The following DGKB variants were observed in gnomAD, a reference collection of about 807,000 sequenced individuals.
DGKB encodes 90 kDa diacylglycerol kinase.
DGKB carries 67 observed loss-of-function variants against 114.3 expected under a neutral mutation model. That is an observed-to-expected ratio of 0.59 (90% CI 0.48 to 0.72). The LOEUF (loss-of-function observed/expected upper bound fraction) is 0.72, where lower values mean the gene tolerates loss of function less well. DGKB is among the 30% of genes least tolerant of loss of function. DGKB has a pLI of 0.00. For missense variants in DGKB, 907 were observed against 975.2 expected (o/e 0.93, Z 0.93); for synonymous variants, 398 against 323.1 (o/e 1.23, Z -2.49).
intron 1 of DGKB, among the ~76,000 whole-genome samples, chr7:14,890,993 G>T (rs1055407930): frequency 2.0e-5 from 3 of 151,242 alleles, no homozygotes; most frequent in African/African-American, 7.3e-5. Context: ...TAACATTATT[G>T]AGTATTATCT....
chr7:14,356,250 G>A (rs920449630), intron 21 of DGKB, among the ~76,000 whole-genome samples: 1 of 150,064 alleles, frequency 6.7e-6, no homozygotes, highest in African/African-American at 2.5e-5. Context: ...TTTATTTTTT[G>A]AGGGGTTTTT....
chr7:14,622,007 T>A (rs1807741090), intron 14 of DGKB, among the ~76,000 whole-genome samples: 1 of 152,026 alleles, frequency 6.6e-6, no homozygotes, highest in African/African-American at 2.4e-5. Flanking sequence ...AGTAAAAAAA[T>A]TTCTTTTAGG....
At chr7:14,294,666 C>G (rs181609771) in intron 23 of DGKB, among the ~76,000 whole-genome samples, 5 of 152,144 alleles carry the variant, frequency 3.3e-5, no homozygotes, top group Non-Finnish European at 7.4e-5. Flanking sequence ...TAGACTTTAG[C>G]TTTCTTTTCT....
At chr7:14,601,312 T>A (rs1199004138) in intron 17 of DGKB, among the ~76,000 whole-genome samples, 1 of 152,078 alleles carries the variant, frequency 6.6e-6, no homozygotes, top group Non-Finnish European at 1.5e-5. Context: ...TTTGAAGTCT[T>A]TCTGTCCTCA....
chr7:14,664,750 G>A (rs1403325461), intron 13 of DGKB, among the ~76,000 whole-genome samples: 1 of 151,964 alleles, frequency 6.6e-6, no homozygotes, highest in East Asian at 1.9e-4. Context: ...GCCCCTGTAA[G>A]TGAGTATGTA....
upstream of DGKB, among the ~76,000 whole-genome samples, chr7:14,906,424 T>C (rs1783706233): frequency 6.7e-6 from 1 of 148,530 alleles, no homozygotes; most frequent in South Asian, 2.1e-4. Flanking sequence ...TAGATAGAAA[T>C]CTATCTTTTT....
chr7:14,694,288 G>T, intron 8 of DGKB, 94 bp from the exon 9 acceptor site: 2 of 1,102,786 alleles, frequency 1.8e-6, no homozygotes, highest in Non-Finnish European at 2.6e-6. Flanking sequence ...CAGCTAAGTG[G>T]AGAGTTGGGA....
chr7:14,223,661 C>T (rs1790344347), intron 23 of DGKB, among the ~76,000 whole-genome samples: 2 of 151,756 alleles, frequency 1.3e-5, no homozygotes, highest in Non-Finnish European at 2.9e-5. Flanking sequence ...AACCTGCACA[C>T]TTGCCTTTAT....
chr7:14,621,410 T>G lies in DGKB; in HGVS notation c.1252A>C (p.Asn418His). Residue 418 changes from asparagine to histidine, a missense_variant, in exon 15 of 26, where the codon AAC (asparagine) becomes CAC (histidine). Coordinates refer to ENST00000402815, the MANE Select transcript of DGKB (RefSeq NM_001350709.2). ...VIDKNKMQRA[N>H]SVTVDGQGLQ... is the part of the protein sequence containing the mutation. The stretch of plus-strand genomic sequence containing the variant: ...CCTTGTCCATCTACAGTAACAGAGT[T>G]GGCTCTTTGCATTTTATTCTTGTCA... 1 of 1,611,136 alleles carries G rather than the reference T, an allele frequency of 6.2e-7. No individual in the cohort carries two copies.
intron 21 of DGKB, among the ~76,000 whole-genome samples, chr7:14,393,281 G>A (rs1055285669): frequency 6.6e-6 from 1 of 151,870 alleles, no homozygotes; most frequent in Non-Finnish European, 1.5e-5. Flanking sequence ...GAGCCACCGC[G>A]CCCGGTCAAC....
chr7:14,377,098 T>A (rs1818614360), intron 21 of DGKB, among the ~76,000 whole-genome samples: 1 of 152,314 alleles, frequency 6.6e-6, no homozygotes, highest in South Asian at 2.1e-4. Context: ...TTCTGAACCA[T>A]GAGAACCCCT....
chr7:14,658,482 A>T (rs575848014), intron 13 of DGKB, among the ~76,000 whole-genome samples: 1 of 151,902 alleles, frequency 6.6e-6, no homozygotes, highest in Non-Finnish European at 1.5e-5. Context: ...ACGAGGTTAG[A>T]TAGAAGAAAT....
intron 4 of DGKB, among the ~76,000 whole-genome samples, chr7:14,739,596 TAAG>T (rs1832251383): frequency 6.6e-6 from 1 of 152,192 alleles, no homozygotes; most frequent in African/African-American, 2.4e-5. Flanking sequence ...TTAGCTGAAT[TAAG>T]AAGCAAAAAT....
intron 23 of DGKB, among the ~76,000 whole-genome samples, chr7:14,226,620 A>T (rs1790842131): frequency 6.6e-6 from 1 of 152,046 alleles, no homozygotes. Flanking sequence ...AGGAAATGAT[A>T]AAGATTTTCA....
intron 20 of DGKB, among the ~76,000 whole-genome samples, chr7:14,483,418 G>A (rs764483239): frequency 3.3e-5 from 5 of 152,278 alleles, no homozygotes; most frequent in Non-Finnish European, 7.4e-5. Context: ...TTTACATGAT[G>A]AGCTTTGAGA....
chr7:14,578,357 G>C (rs7792936), intron 19 of DGKB, among the ~76,000 whole-genome samples: 1 of 151,894 alleles, frequency 6.6e-6, no homozygotes. Context: ...GGTTTAGCAC[G>C]AGAACCTACA....
At chr7:14,690,933 C>T (rs933202575) in intron 9 of DGKB, among the ~76,000 whole-genome samples, 16 of 152,126 alleles carry the variant, frequency 1.1e-4, no homozygotes, top group African/African-American at 3.6e-4. Flanking sequence ...TCCTTCAAAT[C>T]TAAGAGACAC....
intron 20 of DGKB, among the ~76,000 whole-genome samples, chr7:14,505,793 T>A (rs373603275): frequency 1.7e-3 from 263 of 152,322 alleles, no homozygotes; most frequent in Middle Eastern, 6.8e-3. Context: ...AATTTGCTTC[T>A]TTACCATGTC....
intron 1 of DGKB, among the ~76,000 whole-genome samples, chr7:14,928,788 T>A (rs1415262313): frequency 2.0e-5 from 3 of 151,914 alleles, no homozygotes; most frequent in African/African-American, 7.2e-5. Flanking sequence ...TAATGTATAT[T>A]GTACCGATTA....
Sources: gnomAD v4.1 joint callset for allele counts (sites outside exome capture counted in the v4.1 genomes callset) on GRCh38, gnomAD v4.1.1 for gene constraint, MANE v1.5 for transcripts, NCBI Gene and HGNC (gene_info 2026-07-23, HGNC 2026-07-21) for gene names.